Variants in KANK1 observed in about 807,000 individuals in gnomAD.
The protein encoded by KANK1 is KN motif and ankyrin repeat domains 1, also known as KN motif and ankyrin repeat domain-containing protein 1.
In KANK1, 109 loss-of-function variants were observed where a neutral mutation model predicts 106.2. The ratio of observed to expected loss-of-function variants is 1.03; its 90% CI spans 0.88 to 1.20. The LOEUF (loss-of-function observed/expected upper bound fraction) is 1.20, where lower values mean the gene tolerates loss of function less well. Ranked by LOEUF, KANK1 falls within the 50% of genes most tolerant of loss-of-function variation. The pLI, the probability that KANK1 is intolerant of heterozygous loss-of-function variation, is 0.00. For synonymous variants in KANK1, 873 were observed against 652.2 expected, an observed-to-expected ratio of 1.34 and a Z score of -5.16; for missense variants, 2,399 against 1,710.7, an observed-to-expected ratio of 1.40 and a Z score of -7.10.
At chr9:602,725 G>C (rs756937370) in intron 1 of KANK1, among the ~76,000 whole-genome samples, 1 of 151,678 alleles carries the variant, frequency 6.6e-6, no homozygotes, top group Non-Finnish European at 1.5e-5. Flanking sequence ...AAGTCTTTAC[G>C]GTCAGAGGAC....
intron 2 of KANK1, chr9:707,167 G>A: frequency 1.0e-6 from 1 of 985,712 alleles, no homozygotes; most frequent in Non-Finnish European, 1.2e-6. Context: ...GATCGAGGGC[G>A]CCCGAGGCCG....
intron 1 of KANK1, among the ~76,000 whole-genome samples, chr9:609,407 C>T (rs1363918314): frequency 5.9e-4 from 90 of 152,256 alleles, no homozygotes; most frequent in African/African-American, 2.0e-3. Flanking sequence ...GAGGGCGGAT[C>T]ACCTGAGGTC....
chr9:557,013 A>G (rs1354558921), intron 1 of KANK1, among the ~76,000 whole-genome samples: 2 of 152,068 alleles, frequency 1.3e-5, no homozygotes, highest in Non-Finnish European at 2.9e-5. Context: ...ATGGCATGGT[A>G]GTTACTCTAA....
intron 3 of KANK1, among the ~76,000 whole-genome samples, chr9:481,295 CAAAA>C (rs145031920): frequency 2.0e-5 from 3 of 150,474 alleles, no homozygotes; most frequent in Admixed American, 6.6e-5. Flanking sequence ...CAAAACAAAA[CAAAA>C]AAAAACCCAA....
At position 713,449 on chromosome 9, in the gene KANK1, C is replaced by A. The variant is rs770304192; in HGVS notation, c.2683C>A (p.Leu895Met). Residue 895 changes from leucine to methionine, a missense_variant, in exon 3 of 12, where the codon CTG becomes ATG. Transcript: ENST00000382297. The part of the protein sequence containing the change: ...LRNPDFQKTS[L>M]GKITGNYLGY... ...GAACCCTGACTTCCAGAAAACCAGT[C>A]TGGGTAAAATCACAGGTAGGTGGTA... The A allele has an allele frequency of 5.6e-6, 9 of 1,593,056 alleles. No homozygotes were observed. The highest frequency in any genetic ancestry group is 1.8e-5 in the Admixed American group (1 of 56,814).
At chr9:643,113 T>C (rs1838850445) in intron 1 of KANK1, among the ~76,000 whole-genome samples, 1 of 150,854 alleles carries the variant, frequency 6.6e-6, no homozygotes, top group South Asian at 2.1e-4. Flanking sequence ...AAAGATCTTA[T>C]TCTTTAAAGC....
intron 3 of KANK1, among the ~76,000 whole-genome samples, chr9:493,952 G>A (rs1264758759): frequency 6.6e-6 from 1 of 151,402 alleles, no homozygotes; most frequent in African/African-American, 2.4e-5. Flanking sequence ...GTGCGATCTC[G>A]GCTCACCACA....
At chr9:513,186 C>G (rs1669778444) in intron 1 of KANK1, among the ~76,000 whole-genome samples, 1 of 152,070 alleles carries the variant, frequency 6.6e-6, no homozygotes, top group African/African-American at 2.4e-5. Context: ...GGCTTTTAAA[C>G]TCAGATACCT....
At chr9:479,738 A>T (rs1432342591) in intron 3 of KANK1, among the ~76,000 whole-genome samples, 1 of 152,202 alleles carries the variant, frequency 6.6e-6, no homozygotes, top group African/African-American at 2.4e-5. Flanking sequence ...CATTTCCCAC[A>T]CCAGGGCAGC....
At chr9:504,779 C>CGCGCCCCGTGCCACGCT (rs2058658636) in intron 1 of KANK1, 25 bp downstream of exon 1, 1 of 140,820 alleles carries the variant, frequency 7.1e-6, no homozygotes. Context: ...GGGGCCGTGC[C>CGCGCCCCGTGCCACGCT]GCGCCCCGTG....
At chr9:618,609 CAT>C (rs1267272200) in intron 1 of KANK1, among the ~76,000 whole-genome samples, 2 of 152,136 alleles carry the variant, frequency 1.3e-5, no homozygotes, top group Non-Finnish European at 2.9e-5. Context: ...TTTAAAAAAA[CAT>C]ATTCACTCCT....
intron 7 of KANK1, chr9:735,851 C>G (rs907427144): frequency 6.2e-6 from 2 of 323,412 alleles, no homozygotes; most frequent in East Asian, 1.6e-4. Context: ...AAAAGTTAGC[C>G]AGGCATGGTG....
chr9:528,109 C>G (rs1447543891), intron 1 of KANK1, among the ~76,000 whole-genome samples: 1 of 150,508 alleles, frequency 6.6e-6, no homozygotes, highest in Non-Finnish European at 1.5e-5. Context: ...CTCCATCGAG[C>G]CTGGGCAACA....
chr9:568,085 A>C (rs113629669), intron 1 of KANK1, among the ~76,000 whole-genome samples: 2,667 of 152,284 alleles, frequency 0.018, 34 homozygotes, highest in Non-Finnish European at 0.024. Flanking sequence ...ATTTGACTAA[A>C]TTCACAGATG....
chr9:727,300 A>T (rs1830939600), intron 3 of KANK1, among the ~76,000 whole-genome samples: 1 of 151,580 alleles, frequency 6.6e-6, no homozygotes, highest in African/African-American at 2.4e-5. Context: ...TTCACTATAG[A>T]AAAAATGGCA....
chr9:503,865 T>A (rs1171167687), upstream of KANK1, among the ~76,000 whole-genome samples: 1 of 152,146 alleles, frequency 6.6e-6, no homozygotes, highest in Non-Finnish European at 1.5e-5. Context: ...AGGAAGCCAG[T>A]TCAATCCTGA....
intron 1 of KANK1, among the ~76,000 whole-genome samples, chr9:676,549 C>G (rs886303942): frequency 1.3e-5 from 2 of 152,154 alleles, no homozygotes; most frequent in Non-Finnish European, 1.5e-5. Flanking sequence ...GGAAGATATG[C>G]TTAAAAACCA....
chr9:567,711 G>A (rs1227674894), intron 1 of KANK1, among the ~76,000 whole-genome samples: 1 of 152,228 alleles, frequency 6.6e-6, no homozygotes, highest in African/African-American at 2.4e-5. Context: ...CTGAAAGGCA[G>A]CACTTCTTGA....
At chr9:508,568 A>G (rs1350633568) in intron 1 of KANK1, among the ~76,000 whole-genome samples, 1 of 151,840 alleles carries the variant, frequency 6.6e-6, no homozygotes, top group East Asian at 1.9e-4. Context: ...TTGTCCAATC[A>G]CTGCCCCTCC....
Sources: allele counts gnomAD v4.1 joint callset (sites outside exome capture counted in the v4.1 genomes callset), GRCh38; gene constraint gnomAD v4.1.1; transcripts MANE v1.5; gene names NCBI Gene and HGNC (gene_info 2026-07-23, HGNC 2026-07-21).